Variants in PDE6B observed in about 807,000 individuals in gnomAD.
The protein encoded by PDE6B is rod cGMP-specific 3',5'-cyclic phosphodiesterase subunit beta.
In PDE6B, 106 loss-of-function variants were observed where a neutral mutation model predicts 109.0. The observed-to-expected ratio is 0.97, with a 90% CI of 0.83 to 1.14. PDE6B has a LOEUF of 1.14. Among genes scored for constraint, PDE6B ranks in the 50% most tolerant of loss-of-function variants. The pLI is 0.00. For synonymous variants in PDE6B, 490 were observed against 471.3 expected, an observed-to-expected ratio of 1.04 and a Z score of -0.51; for missense variants, 1,193 against 1,155.6, an observed-to-expected ratio of 1.03 and a Z score of -0.47.
chr4:657,275 G>C, intron 9 of PDE6B, 76 bp from the exon 10 acceptor site: 1 of 1,556,388 alleles, frequency 6.4e-7, no homozygotes. Flanking sequence ...GCCGAGCCAC[G>C]GGGCCTGGCA....
Position 664,910 on chromosome 4 carries a change from C to A in PDE6B, c.2159C>A (p.Ser720Tyr). ...MAMMMTACDL[S>Y]AITKPWEVQS... ...ATGATGATGACAGCCTGCGACCTGT[C>A]TGCCATCACCAAGCCCTGGGAAGTC... Residue 720 changes from serine (S) to tyrosine (Y), a missense_variant, in exon 18 of 22, where the codon TCT (serine) becomes TAT (tyrosine). By Grantham distance (144) the Ser-to-Tyr change is moderately radical. Transcript: ENST00000496514. 1 of 1,613,366 alleles carries A rather than the reference C, an allele frequency of 6.2e-7. No homozygotes were observed. Among genetic ancestry groups the A allele is most frequent in the Non-Finnish European group, 8.5e-7 (1 of 1,179,968 alleles).
chr4:667,053 T>C (rs938792866), intron 20 of PDE6B, among the ~76,000 whole-genome samples: 2 of 152,180 alleles, frequency 1.3e-5, no homozygotes, highest in Non-Finnish European at 2.9e-5. Context: ...CAGGGGCGTT[T>C]GGAACAGCAG....
chr4:639,904 G>T (rs929790477), intron 3 of PDE6B, among the ~76,000 whole-genome samples: 10 of 152,012 alleles, frequency 6.6e-5, no homozygotes, highest in Non-Finnish European at 1.0e-4. Context: ...CCAGGAGCTG[G>T]GTCTCCCCCT....
chr4:654,997 G>T (rs1577275760), intron 6 of PDE6B, 109 bp downstream of exon 6: 2 of 788,612 alleles, frequency 2.5e-6, no homozygotes, highest in East Asian at 2.5e-5. Flanking sequence ...GCAGTCAGCA[G>T]CACCGGCCTG....
chr4:665,687 G>T lies in PDE6B; in HGVS notation c.2268+358G>T, dbSNP rs866434165. 2.0e-4 allele frequency among the ~76,000 whole-genome samples: 30 copies of T among 152,282 alleles called. No individual in the cohort carries two copies. The highest frequency in any genetic ancestry group is 7.2e-4 in the African/African-American group (30 of 41,566). ...TGCTGGGGCAGAGAACGCATGGGGG[G>T]CGTCCCGGGCCCACACAGTGGTATG... On this transcript the variant is annotated intron_variant, in intron 19 of 21. Coordinates refer to ENST00000496514, the MANE Select transcript of PDE6B (RefSeq NM_000283.4). This position sits in a 1 kb window ranked among gnomAD's most constrained non-coding sequence, Gnocchi z 4.0.
chr4:667,946 G>T lies in PDE6B; in HGVS notation c.2443G>T (p.Glu815Ter). Residue 815 changes from glutamate to a stop codon, truncating the protein, a stop_gained, in exon 21 of 22, where the codon GAG becomes TAG. Coordinates refer to ENST00000496514, the MANE Select transcript of PDE6B (RefSeq NM_000283.4). LOFTEE classifies it high-confidence loss of function. ...KEWKALADEY[E>*]AKVKALEEKE... ...GTGGAAGGCGCTGGCTGATGAGTATGAGGCCAAAGTGAAGGCTCTGGAGGA... is the reference window on the plus strand; with the variant it reads ...GTGGAAGGCGCTGGCTGATGAGTATTAGGCCAAAGTGAAGGCTCTGGAGGA... The T allele has an allele frequency of 6.2e-7, 1 of 1,613,468 alleles. No homozygotes were observed. The highest frequency in any genetic ancestry group is 8.5e-7 in the Non-Finnish European group (1 of 1,179,736).
chr4:630,746 G>T (rs1382935988), intron 1 of PDE6B, among the ~76,000 whole-genome samples: 1 of 152,212 alleles, frequency 6.6e-6, no homozygotes, highest in African/African-American at 2.4e-5. Context: ...CCCAATTCCG[G>T]CTGCCTGCTC....
At chr4:653,396 C>T (rs1267602998) in intron 3 of PDE6B, 1 of 1,035,310 alleles carries the variant, frequency 9.7e-7, no homozygotes, top group Non-Finnish European at 1.2e-6. Flanking sequence ...TGGGGTCTGG[C>T]CAGGACCTCG....
intron 3 of PDE6B, among the ~76,000 whole-genome samples, chr4:642,298 A>C (rs1366717683): frequency 6.6e-6 from 1 of 150,746 alleles, no homozygotes; most frequent in South Asian, 2.1e-4. Context: ...ATGGAGAAAA[A>C]CCCCCATCTC....
chr4:650,260 G>T (rs569856556), intron 3 of PDE6B, among the ~76,000 whole-genome samples: 71 of 152,374 alleles, frequency 4.7e-4, no homozygotes, highest in South Asian at 2.7e-3. Context: ...GGCTTAACAA[G>T]TTCCCAACAT....
intron 3 of PDE6B, chr4:652,541 C>CTGT (rs1735675770): frequency 1.0e-6 from 1 of 971,218 alleles, no homozygotes; most frequent in Non-Finnish European, 1.2e-6. Flanking sequence ...AACCACAGTA[C>CTGT]ACAGGGTGCT....
At position 662,826 on chromosome 4, in the gene PDE6B, CA is replaced by C. The variant is rs1172212248; in HGVS notation, c.1832+213del. Among the ~76,000 whole-genome samples, 5 of 99,398 alleles carry C rather than the reference CA, an allele frequency of 5.0e-5. No individual in the cohort carries two copies. The highest frequency in any genetic ancestry group is 2.3e-4 in the Admixed American group (2 of 8,786). 65.2% of individuals were successfully genotyped at this position (99,398 alleles called of 152,430 possible). On this transcript the variant is annotated intron_variant, in intron 14 of 21. Coordinates refer to ENST00000496514, the MANE Select transcript of PDE6B (RefSeq NM_000283.4). This position sits in a 1 kb window ranked among gnomAD's most constrained non-coding sequence, Gnocchi z 4.3. ...GCAACATGGCAAGAGCTCTCCTCTA[CA>C]AAAACTTAAAAAAAAAAAAAAAAAA...
rs1734487251 is a variant in PDE6B at position 633,418 on chromosome 4, G to A, written c.469-1259G>A. On this transcript the variant is annotated intron_variant, in intron 1 of 21. Coordinates refer to ENST00000496514, the MANE Select transcript of PDE6B (RefSeq NM_000283.4). The surrounding 1 kb of genome is among the most constrained non-coding windows in gnomAD (Gnocchi z 4.5). ...AATCAGGAAATGAGGAGCAGGAAGG[G>A]TGGGTGCCATTTAGGAGCACGCTAG... Among the ~76,000 whole-genome samples the A allele has an allele frequency of 6.6e-6, 1 of 152,210 alleles. No individual in the cohort carries two copies. Among genetic ancestry groups the A allele is most frequent in the Admixed American group, 6.5e-5 (1 of 15,290 alleles).
At chr4:652,647 C>T (rs970318276) in intron 3 of PDE6B, 7 of 261,446 alleles carry the variant, frequency 2.7e-5, no homozygotes, top group Non-Finnish European at 4.2e-5. Context: ...GTAGAACAGC[C>T]GTTTTCATGG....
At position 665,707 on chromosome 4, in the gene PDE6B, G is replaced by T. The variant is rs898065956; in HGVS notation, c.2268+378G>T. 1.3e-5 allele frequency among the ~76,000 whole-genome samples: 2 copies of T among 152,188 alleles called. No homozygotes were observed. Among genetic ancestry groups the T allele is most frequent in the Non-Finnish European group, 2.9e-5 (2 of 68,022 alleles). On this transcript the variant is annotated intron_variant, in intron 19 of 21. Transcript: ENST00000496514. This position sits in a 1 kb window ranked among gnomAD's most constrained non-coding sequence, Gnocchi z 4.0. ...GGGGGGCGTCCCGGGCCCACACAGTGGTATGATGGACAATGCCAGGGTCCT... is the reference window on the plus strand; with the variant it reads ...GGGGGGCGTCCCGGGCCCACACAGTTGTATGATGGACAATGCCAGGGTCCT...
intron 3 of PDE6B, among the ~76,000 whole-genome samples, chr4:647,780 AGT>A (rs1341810799): frequency 5.3e-5 from 8 of 151,994 alleles, no homozygotes; most frequent in Admixed American, 5.2e-4. Context: ...CAGTTTTAAA[AGT>A]GTGGCTCTGG....
At position 626,834 on chromosome 4, in the gene PDE6B, G is replaced by A. The variant is rs1393519994; in HGVS notation, c.468+740G>A. Among the ~76,000 whole-genome samples the A allele has an allele frequency of 6.6e-6, 1 of 152,246 alleles. No homozygotes were observed. The highest frequency in any genetic ancestry group is 1.5e-5 in the Non-Finnish European group (1 of 68,038). ...CTGGCGGGACTGGAGAACAAGAGGGGTGTGAGGTGCCTGCCAGACTGGGTG... is the reference window on the plus strand; with the variant it reads ...CTGGCGGGACTGGAGAACAAGAGGGATGTGAGGTGCCTGCCAGACTGGGTG... On this transcript the variant is annotated intron_variant, in intron 1 of 21. Transcript: ENST00000496514. The surrounding 1 kb of genome is among the most constrained non-coding windows in gnomAD (Gnocchi z 4.6).
intron 2 of PDE6B, 62 bp from the exon 3 acceptor site, chr4:635,818 C>A: frequency 1.1e-6 from 1 of 886,632 alleles, no homozygotes; most frequent in Non-Finnish European, 1.9e-6. Context: ...TGCAAAATAC[C>A]CACGGGGGCA....
intron 6 of PDE6B, chr4:655,715 G>T (rs1560121185): frequency 4.8e-6 from 3 of 628,172 alleles, no homozygotes; most frequent in Non-Finnish European, 5.8e-6. Context: ...CTGCACACAC[G>T]CCCAGTCCAT....
Sources: allele counts gnomAD v4.1 joint callset (sites outside exome capture counted in the v4.1 genomes callset), GRCh38; gene constraint gnomAD v4.1.1; non-coding constraint Gnocchi (gnomAD v3.1); transcripts MANE v1.5; gene names NCBI Gene and HGNC (gene_info 2026-07-23, HGNC 2026-07-21).